Variants in CPNE2 observed in about 807,000 individuals in gnomAD.
The protein encoded by CPNE2 is copine-2.
CPNE2 carries 42 observed loss-of-function variants against 69.7 expected under a neutral mutation model. The ratio of observed to expected loss-of-function variants is 0.60; its 90% CI spans 0.47 to 0.78. The LOEUF (loss-of-function observed/expected upper bound fraction) is 0.78. Among genes scored for constraint, CPNE2 ranks in the 30% least tolerant of loss-of-function variants. CPNE2 has a pLI of 0.00. For missense variants in CPNE2, 587 were observed against 732.0 expected (o/e 0.80, Z 2.29); for synonymous variants, 294 against 289.8 (o/e 1.01, Z -0.15).
chr16:57,095,009 C>G (rs1306333113), intron 1 of CPNE2, among the ~76,000 whole-genome samples: 2 of 152,158 alleles, frequency 1.3e-5, no homozygotes, highest in African/African-American at 2.4e-5. Flanking sequence ...TCAGGGTGCC[C>G]CCAGCCTGAT....
chr16:57,094,847 G>A (rs2069568379), intron 1 of CPNE2, among the ~76,000 whole-genome samples: 1 of 152,164 alleles, frequency 6.6e-6, no homozygotes, highest in Middle Eastern at 3.2e-3. Context: ...TCATCCAGGT[G>A]TCCCCATTTC....
intron 1 of CPNE2, among the ~76,000 whole-genome samples, chr16:57,098,989 G>C (rs1471564830): frequency 6.6e-6 from 1 of 152,186 alleles, no homozygotes; most frequent in Non-Finnish European, 1.5e-5. Flanking sequence ...ACATGAAATA[G>C]AGCAGACATT....
At chr16:57,118,688 G>GGATGGATA (rs370387684) in intron 5 of CPNE2, among the ~76,000 whole-genome samples, 2,000 of 150,842 alleles carry the variant, frequency 0.013, 29 homozygotes, top group South Asian at 0.024. Context: ...ATGGATGGAT[G>GGATGGATA]GATAGATAGA....
chr16:57,120,505 G>A (rs1567668998), intron 7 of CPNE2, among the ~76,000 whole-genome samples: 2 of 152,004 alleles, frequency 1.3e-5, no homozygotes, highest in Non-Finnish European at 2.9e-5. Context: ...GGTCCCCAGG[G>A]GCTGGGTCTG....
At position 57,121,152 on chromosome 16, in the gene CPNE2, C is replaced by A. The variant is rs758072749; in HGVS notation, c.741C>A (p.Thr247=). The change falls in exon 8 of 16, where the codon ACC becomes ACA. Residue 247 remains threonine (T), a synonymous_variant. Transcript: ENST00000290776. ...ATGACTTCATCGGCGAGTTCCAGACCTCAGTGTCACAGATGTGTGAGGCTC... is the reference window on the plus strand; with the variant it reads ...ATGACTTCATCGGCGAGTTCCAGACATCAGTGTCACAGATGTGTGAGGCTC... ...GGHDFIGEFQ[T]SVSQMCEARD... is the part of the protein sequence containing the mutation. 6.2e-7 allele frequency: 1 copy of A among 1,614,022 alleles called. No homozygotes were observed. Among genetic ancestry groups the A allele is most frequent in the African/African-American group, 1.3e-5 (1 of 75,032 alleles).
At chr16:57,144,904 T>C (rs1482016444) in intron 14 of CPNE2, 2 of 151,306 alleles carry the variant, frequency 1.3e-5, no homozygotes, top group East Asian at 3.9e-4. Flanking sequence ...GCCCAGGTTG[T>C]GCCAGTGTGG....
Position 57,117,519 on chromosome 16 carries a change from C to T in CPNE2, c.459C>T (p.Asp153=), listed in dbSNP as rs765785719. Residue 153 remains aspartate, a synonymous_variant, in exon 5 of 16, where the codon GAC becomes GAT. Coordinates refer to ENST00000290776, the MANE Select transcript of CPNE2 (RefSeq NM_152727.6). ...LITIAAQELS[D]NRVITLSLAG... ...AGATCGCTGCCCAGGAGCTGTCCGA[C>T]AACCGCGTCATCACACTAAGCCTGG... 4.4e-5 allele frequency: 71 copies of T among 1,613,834 alleles called. No individual in the cohort carries two copies. The highest frequency in any genetic ancestry group is 5.8e-5 in the Non-Finnish European group (69 of 1,179,926).
At chr16:57,112,193 G>C (rs2069685632) in intron 2 of CPNE2, among the ~76,000 whole-genome samples, 1 of 152,156 alleles carries the variant, frequency 6.6e-6, no homozygotes, top group Non-Finnish European at 1.5e-5. Context: ...TTTACAGAGG[G>C]GGAAACAGGG....
At chr16:57,127,383 G>A (rs1429972946) in intron 11 of CPNE2, among the ~76,000 whole-genome samples, 5 of 152,192 alleles carry the variant, frequency 3.3e-5, no homozygotes, top group East Asian at 1.9e-4. Flanking sequence ...GTGAAGGGGC[G>A]TGGGTGGAAG....
rs115622182 is a variant in CPNE2, at chr16:57,115,370, G to A, written c.361-106G>A. On this transcript the variant is annotated intron_variant, in intron 3 of 15. Transcript: ENST00000290776. Reference sequence around the variant, plus strand: ...AGGCGGGTCACCAGCCAGCCAGGGCGGGGTGCAGCCCTGCCAAGAGGATTT... The same window carrying A: ...AGGCGGGTCACCAGCCAGCCAGGGCAGGGTGCAGCCCTGCCAAGAGGATTT... 1,931 of 846,854 alleles carry A rather than the reference G, an allele frequency of 2.3e-3. 27 individuals carry two copies. In the African/African-American group the frequency reaches 0.027, roughly 12 times the overall value. 52.5% of individuals were successfully genotyped at this position (846,854 alleles called of 1,614,324 possible).
chr16:57,125,901 C>T lies in CPNE2; in HGVS notation c.969C>T (p.Asp323=). ...CAGCCTCCAACGGGAATCCCCTCGA[C>T]CCTTCCTCTTTGCACTATATCAACC... ...DFTASNGNPL[D]PSSLHYINPM... is the part of the protein sequence containing the mutation. The change falls in exon 11 of 16, where the codon GAC becomes GAT. Residue 323 remains aspartate, a synonymous_variant. Transcript: ENST00000290776. 1 of 1,614,200 alleles carries T rather than the reference C, an allele frequency of 6.2e-7. No homozygotes were observed. The highest frequency in any genetic ancestry group is 1.3e-5 in the African/African-American group (1 of 75,048).
intron 14 of CPNE2, chr16:57,143,561 G>C (rs1255040024): frequency 1.3e-5 from 2 of 152,484 alleles, no homozygotes; most frequent in Admixed American, 1.3e-4. Context: ...GTTCAATCTG[G>C]ACTGTGCCAG....
intron 1 of CPNE2, among the ~76,000 whole-genome samples, chr16:57,094,713 T>C (rs1414582562): frequency 1.3e-5 from 2 of 152,184 alleles, no homozygotes; most frequent in African/African-American, 4.8e-5. Flanking sequence ...TGTGGGTGAC[T>C]GCATCCAGGA....
rs1332837735 is a variant in CPNE2, at chr16:57,130,772, A to C, written c.1116+2869A>C. Among the ~76,000 whole-genome samples the C allele has an allele frequency of 6.6e-6, 1 of 151,932 alleles. No homozygotes were observed. The highest frequency in any genetic ancestry group is 2.4e-5 in the African/African-American group (1 of 41,374). The stretch of plus-strand genomic sequence containing the variant: ...GACAAGATGGGGAGGGGAGAAGGGC[A>C]TGGAGACATCAGCCAGTGTGGCAGT... On this transcript the variant is annotated intron_variant, in intron 12 of 15. Transcript: ENST00000290776. The surrounding 1 kb of genome is among the most constrained non-coding windows in gnomAD (Gnocchi z 4.1).
chr16:57,126,320 G>C (rs986614554), intron 11 of CPNE2, among the ~76,000 whole-genome samples: 1 of 151,284 alleles, frequency 6.6e-6, no homozygotes, highest in African/African-American at 2.5e-5. Flanking sequence ...TGGGAGGCCT[G>C]GGGTGGGAGT....
Position 57,130,739 on chromosome 16 carries a change from A to T in CPNE2, c.1116+2836A>T, listed in dbSNP as rs1383888657. The stretch of plus-strand genomic sequence containing the variant: ...TTCACTGACCATGGCTGGGGCCATT[A>T]TGGCAGAGACAAGATGGGGAGGGGA... On this transcript the variant is annotated intron_variant, in intron 12 of 15. Transcript: ENST00000290776. The surrounding 1 kb of genome is among the most constrained non-coding windows in gnomAD (Gnocchi z 4.1). 1.2e-4 allele frequency among the ~76,000 whole-genome samples: 19 copies of T among 152,084 alleles called. No homozygotes were observed. The highest frequency in any genetic ancestry group is 4.6e-4 in the African/African-American group (19 of 41,424).
chr16:57,121,562 G>A lies in CPNE2; in HGVS notation c.781-112G>A. 5.8e-6 allele frequency: 6 copies of A among 1,042,940 alleles called. No individual in the cohort carries two copies. The South Asian group carries it at 8.7e-5, about 15-fold the overall frequency. 64.6% of individuals were successfully genotyped at this position (1,042,940 alleles called of 1,614,324 possible). Reference sequence around the variant, plus strand: ...GGACATCCTGGGAGGCTCCCTGGAGGAAGCATGCTGCCCCCATTGTCAAGC... The same window carrying A: ...GGACATCCTGGGAGGCTCCCTGGAGAAAGCATGCTGCCCCCATTGTCAAGC... On this transcript the variant is annotated intron_variant, in intron 8 of 15. Coordinates refer to ENST00000290776, the MANE Select transcript of CPNE2 (RefSeq NM_152727.6).
In CPNE2 at chr16:57,104,463, C is replaced by A. The variant is rs528819044; in HGVS notation, c.-35-6245C>A. 2.0e-4 allele frequency among the ~76,000 whole-genome samples: 31 copies of A among 152,290 alleles called. No individual in the cohort carries two copies. In the South Asian group the frequency reaches 5.4e-3, roughly 26 times the overall value. ...GTCCCTCTCCTGCTGGCCTCTCAGACCCTAGGGTTTGAGAAGCTGCCTGTG... is the reference window on the plus strand; with the variant it reads ...GTCCCTCTCCTGCTGGCCTCTCAGAACCTAGGGTTTGAGAAGCTGCCTGTG... On this transcript the variant is annotated intron_variant, in intron 1 of 15. Transcript: ENST00000290776.
chr16:57,147,734 C>A lies in CPNE2; in HGVS notation c.*76C>A. Reference sequence around the variant, plus strand: ...GGAACATGCACGCTCACTCTGCTTCCTTGTGGGTGGCCTTTTTTTACCGAT... The same window carrying A: ...GGAACATGCACGCTCACTCTGCTTCATTGTGGGTGGCCTTTTTTTACCGAT... On this transcript the variant is annotated 3_prime_UTR_variant, in exon 16 of 16. Coordinates refer to ENST00000290776, the MANE Select transcript of CPNE2 (RefSeq NM_152727.6). The A allele has an allele frequency of 1.0e-6, 1 of 957,222 alleles. No individual in the cohort carries two copies. 59.3% of individuals were successfully genotyped at this position (957,222 alleles called of 1,614,324 possible).
Sources: gnomAD v4.1 joint callset for allele counts (sites outside exome capture counted in the v4.1 genomes callset) on GRCh38, gnomAD v4.1.1 for gene constraint, Gnocchi (gnomAD v3.1) non-coding constraint, MANE v1.5 for transcripts, NCBI Gene and HGNC (gene_info 2026-07-23, HGNC 2026-07-21) for gene names.